Variants in BOLL observed in about 807,000 individuals in gnomAD.
The protein encoded by BOLL is protein boule-like.
BOLL carries 23 observed loss-of-function variants against 44.4 expected under a neutral mutation model. The ratio of observed to expected loss-of-function variants is 0.52; its 90% confidence interval spans 0.37 to 0.73. The LOEUF (loss-of-function observed/expected upper bound fraction) is 0.73. BOLL is among the 30% of genes least tolerant of loss of function. The pLI is 0.00. For missense variants in BOLL, 287 were observed against 338.3 expected (o/e 0.85, Z 1.19); for synonymous variants, 97 against 110.8 (o/e 0.88, Z 0.78).
At chr2:197,745,949 T>C (rs1386814902) in intron 9 of BOLL, among the ~76,000 whole-genome samples, 1 of 152,168 alleles carries the variant, frequency 6.6e-6, no homozygotes, top group African/African-American at 2.4e-5. Context: ...TTAATAATAA[T>C]TAAGAATCCT....
chr2:197,761,374 T>G (rs1212960541), intron 7 of BOLL, among the ~76,000 whole-genome samples: 1 of 151,050 alleles, frequency 6.6e-6, no homozygotes, highest in Non-Finnish European at 1.5e-5. Flanking sequence ...CTCAAGGGAG[T>G]CTCACATCAG....
intron 10 of BOLL, among the ~76,000 whole-genome samples, chr2:197,730,703 C>G (rs1276769529): frequency 6.6e-6 from 1 of 150,458 alleles, no homozygotes; most frequent in Non-Finnish European, 1.5e-5. Flanking sequence ...ATTTCATATC[C>G]AGCCAAACTA....
At chr2:197,775,289 TA>T (rs1689457884) in intron 5 of BOLL, among the ~76,000 whole-genome samples, 1 of 151,938 alleles carries the variant, frequency 6.6e-6, no homozygotes, top group Admixed American at 6.6e-5. Context: ...TCACTTTCAA[TA>T]TTTTTACTCT....
chr2:197,741,403 G>C (rs1178886834), intron 10 of BOLL, among the ~76,000 whole-genome samples: 2 of 151,834 alleles, frequency 1.3e-5, no homozygotes, highest in Non-Finnish European at 2.9e-5. Context: ...GGGTTTTCTA[G>C]ATATACAATA....
At chr2:197,771,263 C>T (rs1188907452) in intron 6 of BOLL, among the ~76,000 whole-genome samples, 1 of 148,198 alleles carries the variant, frequency 6.7e-6, no homozygotes, top group South Asian at 2.1e-4. Context: ...AACCAAACAC[C>T]ATATGGTCTC....
chr2:197,772,829 A>G (rs1441404114), intron 5 of BOLL, among the ~76,000 whole-genome samples: 1 of 152,048 alleles, frequency 6.6e-6, no homozygotes, highest in Non-Finnish European at 1.5e-5. Context: ...TCTTCCACCT[A>G]TACCAGTGCT....
chr2:197,758,987 T>G (rs1411507693), intron 7 of BOLL: 9 of 1,535,842 alleles, frequency 5.9e-6, no homozygotes, highest in Non-Finnish European at 7.0e-6. Context: ...TCCATCTTCT[T>G]GTATGACATT....
intron 9 of BOLL, among the ~76,000 whole-genome samples, chr2:197,745,760 G>A (rs1324897577): frequency 6.6e-6 from 1 of 152,128 alleles, no homozygotes. Flanking sequence ...CGAACATAAG[G>A]GAGGATTCTG....
intron 10 of BOLL, among the ~76,000 whole-genome samples, chr2:197,738,051 T>G (rs551097071): frequency 6.6e-6 from 1 of 152,274 alleles, no homozygotes; most frequent in Non-Finnish European, 1.5e-5. Context: ...AAAAACACTG[T>G]AAGAAAACCA....
chr2:197,782,010 A>T, intron 1 of BOLL, 145 bp from the exon 2 acceptor site: 1 of 580,196 alleles, frequency 1.7e-6, no homozygotes, highest in Non-Finnish European at 2.6e-6. Context: ...TATTATAAAA[A>T]TTATAATTAG....
At chr2:197,751,291 T>C (rs1438954894) in intron 9 of BOLL, among the ~76,000 whole-genome samples, 1 of 151,676 alleles carries the variant, frequency 6.6e-6, no homozygotes, top group Non-Finnish European at 1.5e-5. Context: ...AAGAAATAAC[T>C]ATATTAGAGC....
intron 10 of BOLL, among the ~76,000 whole-genome samples, chr2:197,738,856 T>C (rs902220534): frequency 6.6e-6 from 1 of 152,226 alleles, no homozygotes; most frequent in Non-Finnish European, 1.5e-5. Flanking sequence ...CATTCACTAA[T>C]ATTTTAATAT....
chr2:197,775,715 T>C lies in BOLL; in HGVS notation c.302A>G (p.Lys101Arg). The change falls in exon 5 of 11, where the codon AAG becomes AGG. Residue 101 changes from lysine to arginine, a missense_variant. Transcript: ENST00000392296. ...QEAEKLNYKD[K>R]KLNIGPAIRK... is the part of the protein sequence containing the mutation. ...TATTGCTGGACCAATGTTCAGCTTCTTATCCTTATAATTAAGTTTTTCAGC... is the reference window on the plus strand; with the variant it reads ...TATTGCTGGACCAATGTTCAGCTTCCTATCCTTATAATTAAGTTTTTCAGC... 6.4e-7 allele frequency: 1 copy of C among 1,557,572 alleles called. No homozygotes were observed. The highest frequency in any genetic ancestry group is 8.7e-7 in the Non-Finnish European group (1 of 1,150,654).
At chr2:197,750,486 G>A (rs1264265858) in intron 9 of BOLL, among the ~76,000 whole-genome samples, 2 of 152,062 alleles carry the variant, frequency 1.3e-5, no homozygotes, top group East Asian at 3.8e-4. Context: ...AAAAAAGCAG[G>A]GGTTGTAATC....
At chr2:197,729,159 T>C (rs1008000983) in intron 10 of BOLL, among the ~76,000 whole-genome samples, 7 of 152,308 alleles carry the variant, frequency 4.6e-5, no homozygotes, top group African/African-American at 7.2e-5. Flanking sequence ...ATTGCCTCAC[T>C]TGGGAAGCGC....
intron 10 of BOLL, among the ~76,000 whole-genome samples, chr2:197,741,403 G>T (rs1178886834): frequency 2.0e-5 from 3 of 151,834 alleles, no homozygotes; most frequent in African/African-American, 7.3e-5. Context: ...GGGTTTTCTA[G>T]ATATACAATA....
At chr2:197,770,015 G>A (rs1689166052) in intron 6 of BOLL, among the ~76,000 whole-genome samples, 1 of 152,192 alleles carries the variant, frequency 6.6e-6, no homozygotes, top group African/African-American at 2.4e-5. Flanking sequence ...AAGTTCATAT[G>A]GAACCAAAAA....
In BOLL at chr2:197,781,840, T is replaced by A. The variant is rs115292776; in HGVS notation, c.11A>T (p.Asp4Val). The A allele has an allele frequency of 2.7e-5, 44 of 1,602,354 alleles. 1 individual carries two copies. In the East Asian group the frequency reaches 9.6e-4, roughly 35 times the overall value. Reference protein sequence around the residue: MQTDSLSPSPNPVS... With the variant: MQTVSLSPSPNPVS... ...AGGATTAGGGGATGGAGATAATGAA[T>A]CTGTTTGCATCTGGTTTGATGTTTG... The change falls in exon 2 of 11, where the codon GAT (aspartate) becomes GTT (valine). Residue 4 changes from aspartate to valine, a missense_variant. Transcript: ENST00000392296.
At chr2:197,765,623 TA>T (rs575441120) in intron 7 of BOLL, among the ~76,000 whole-genome samples, 22 of 148,208 alleles carry the variant, frequency 1.5e-4, no homozygotes, top group South Asian at 4.3e-4. Context: ...GAAAAAAAAT[TA>T]AAAAAAAAAC....
Sources: gnomAD v4.1 joint callset for allele counts (sites outside exome capture counted in the v4.1 genomes callset) on GRCh38, gnomAD v4.1.1 for gene constraint, MANE v1.5 for transcripts, NCBI Gene and HGNC (gene_info 2026-07-23, HGNC 2026-07-21) for gene names.